ZNF277: variants seen among roughly 807,000 people sequenced by gnomAD.
The protein encoded by ZNF277 is nuclear receptor-interacting factor 4.
Under a neutral mutation model 60.7 loss-of-function variants are expected in ZNF277, and 55 were observed. The ratio of observed to expected loss-of-function variants is 0.91; its 90% CI spans 0.73 to 1.13. The LOEUF (loss-of-function observed/expected upper bound fraction) is 1.13, where lower values mean the gene tolerates loss of function less well. Ranked by LOEUF, ZNF277 falls within the 50% of genes most tolerant of loss-of-function variation. The pLI, the probability that ZNF277 is intolerant of heterozygous loss-of-function variation, is 0.00. For synonymous variants in ZNF277, 178 were observed against 179.3 expected, an observed-to-expected ratio of 0.99 and a Z score of 0.06; for missense variants, 510 against 523.0, an observed-to-expected ratio of 0.98 and a Z score of 0.24.
intron 1 of ZNF277, among the ~76,000 whole-genome samples, chr7:112,282,278 A>G (rs1427451199): frequency 2.6e-5 from 4 of 152,238 alleles, no homozygotes; most frequent in African/African-American, 9.6e-5. Context: ...CCCACAGGAG[A>G]ACCTGGAGAA....
chr7:112,285,762 C>T (rs1215612284), intron 1 of ZNF277, among the ~76,000 whole-genome samples: 1 of 151,970 alleles, frequency 6.6e-6, no homozygotes, highest in Non-Finnish European at 1.5e-5. Flanking sequence ...ACCAGTGTAC[C>T]AGTGACTGAT....
intron 1 of ZNF277, among the ~76,000 whole-genome samples, chr7:112,280,051 G>C (rs1373476652): frequency 1.3e-5 from 2 of 152,102 alleles, no homozygotes; most frequent in Non-Finnish European, 2.9e-5. Context: ...TGTTCTTTGA[G>C]GGTCAACTGC....
intron 1 of ZNF277, among the ~76,000 whole-genome samples, chr7:112,251,817 A>T (rs537758315): frequency 3.0e-4 from 46 of 152,332 alleles, no homozygotes; most frequent in African/African-American, 1.1e-3. Flanking sequence ...TTTAAATTTC[A>T]TTTTATAGAT....
chr7:112,340,719 G>C (rs1285565296), intron 10 of ZNF277, among the ~76,000 whole-genome samples, 153 bp from the exon 11 acceptor site: 1 of 152,144 alleles, frequency 6.6e-6, no homozygotes, highest in Non-Finnish European at 1.5e-5. Flanking sequence ...GTAAATATGT[G>C]CTGTTATTAT....
At chr7:112,326,016 C>T (rs1289291341) in intron 5 of ZNF277, among the ~76,000 whole-genome samples, 1 of 149,326 alleles carries the variant, frequency 6.7e-6, no homozygotes, top group Non-Finnish European at 1.5e-5. Flanking sequence ...CCTCTCATCT[C>T]GTAACTCAGA....
intron 2 of ZNF277, among the ~76,000 whole-genome samples, chr7:112,292,541 C>G (rs1172720525): frequency 1.3e-5 from 2 of 152,156 alleles, no homozygotes; most frequent in Non-Finnish European, 2.9e-5. Context: ...AATGCTTCAA[C>G]TCTCTATTAC....
intron 1 of ZNF277, among the ~76,000 whole-genome samples, chr7:112,242,574 C>T (rs71561760): frequency 0.13 from 8,724 of 66,974 alleles, 339 homozygotes; most frequent in South Asian, 0.25. Flanking sequence ...AAAAAAAAAA[C>T]AAAATAAAAT....
intron 1 of ZNF277, among the ~76,000 whole-genome samples, chr7:112,268,621 A>C (rs917092652): frequency 3.9e-5 from 6 of 152,160 alleles, no homozygotes; most frequent in Non-Finnish European, 8.8e-5. Flanking sequence ...TTGTTCCTGA[A>C]ACTTTTTTGC....
At chr7:112,245,669 A>G (rs758014431) in intron 1 of ZNF277, among the ~76,000 whole-genome samples, 1 of 152,054 alleles carries the variant, frequency 6.6e-6, no homozygotes, top group Non-Finnish European at 1.5e-5. Flanking sequence ...TCCTTAATGT[A>G]TTATCCCAAC....
At chr7:112,208,721 A>C (rs907304942) in intron 1 of ZNF277, among the ~76,000 whole-genome samples, 3 of 119,958 alleles carry the variant, frequency 2.5e-5, no homozygotes, top group African/African-American at 6.4e-5. Context: ...CGCTTTGTCA[A>C]CCAGGCTGGA....
intron 1 of ZNF277, among the ~76,000 whole-genome samples, chr7:112,221,036 T>C (rs1019487197): frequency 6.6e-6 from 1 of 152,128 alleles, no homozygotes; most frequent in African/African-American, 2.4e-5. Context: ...CCACCACTGC[T>C]GTTTGCCACC....
At chr7:112,219,343 C>T (rs1821968257) in intron 1 of ZNF277, among the ~76,000 whole-genome samples, 1 of 152,100 alleles carries the variant, frequency 6.6e-6, no homozygotes, top group African/African-American at 2.4e-5. Context: ...AGGAGTTTTA[C>T]AGTTTCGGGT....
chr7:112,319,674 A>G (rs1584407484), intron 5 of ZNF277, among the ~76,000 whole-genome samples: 1 of 147,320 alleles, frequency 6.8e-6, no homozygotes, highest in African/African-American at 2.5e-5. Context: ...TATAATATAT[A>G]TTATATAAAT....
intron 1 of ZNF277, among the ~76,000 whole-genome samples, chr7:112,225,267 G>C (rs1822146031): frequency 6.6e-6 from 1 of 152,190 alleles, no homozygotes; most frequent in Admixed American, 6.5e-5. Context: ...CTGATTAGTG[G>C]TATTGGCAGG....
intron 1 of ZNF277, among the ~76,000 whole-genome samples, chr7:112,238,894 G>T (rs1337796158): frequency 2.6e-5 from 4 of 151,874 alleles, no homozygotes; most frequent in African/African-American, 9.7e-5. Context: ...GGCGCGTACC[G>T]CCCTGAACGT....
intron 8 of ZNF277, among the ~76,000 whole-genome samples, 167 bp from the exon 9 acceptor site, chr7:112,337,563 G>C (rs935175651): frequency 6.6e-6 from 1 of 152,212 alleles, no homozygotes; most frequent in Non-Finnish European, 1.5e-5. Context: ...AATTTCAAAA[G>C]CTATATCAGA....
intron 6 of ZNF277, among the ~76,000 whole-genome samples, chr7:112,329,244 T>C (rs928981156): frequency 6.6e-6 from 1 of 152,178 alleles, no homozygotes; most frequent in Non-Finnish European, 1.5e-5. Context: ...AAATATATTA[T>C]ACTTAGACAC....
At chr7:112,307,989 C>G (rs1408480239) in intron 4 of ZNF277, among the ~76,000 whole-genome samples, 1 of 151,802 alleles carries the variant, frequency 6.6e-6, no homozygotes, top group African/African-American at 2.4e-5. Flanking sequence ...ATTCTAAAAC[C>G]TGTTACTATG....
intron 5 of ZNF277, among the ~76,000 whole-genome samples, chr7:112,326,897 C>G (rs1180113556): frequency 2.0e-5 from 3 of 152,164 alleles, no homozygotes; most frequent in Non-Finnish European, 4.4e-5. Flanking sequence ...GTAGAATATA[C>G]TATACACATA....
Sources: allele counts gnomAD v4.1 joint callset (sites outside exome capture counted in the v4.1 genomes callset), GRCh38; gene constraint gnomAD v4.1.1; transcripts MANE v1.5; gene names NCBI Gene and HGNC (gene_info 2026-07-23, HGNC 2026-07-21).